LRRTM4: variants seen among roughly 807,000 people sequenced by gnomAD.
LRRTM4 encodes leucine-rich repeat transmembrane neuronal protein 4.
In LRRTM4, 25 loss-of-function variants were observed where a neutral mutation model predicts 47.6. The observed-to-expected ratio is 0.53, with a 90% CI of 0.38 to 0.73. The LOEUF (loss-of-function observed/expected upper bound fraction) is 0.73. LRRTM4 is among the 30% of genes least tolerant of loss of function. The probability of loss-of-function intolerance (pLI) is 0.00; values close to 1 mark genes in which losing one functional copy is unlikely to be tolerated. For missense variants in LRRTM4, 638 were observed against 713.4 expected (o/e 0.89, Z 1.20); for synonymous variants, 311 against 269.5 (o/e 1.15, Z -1.51).
intron 3 of LRRTM4, among the ~76,000 whole-genome samples, chr2:76,898,252 A>G (rs1323703779): frequency 6.6e-6 from 1 of 151,854 alleles, no homozygotes. Flanking sequence ...TTTTCTCTTA[A>G]TATCTTAACA....
intron 3 of LRRTM4, among the ~76,000 whole-genome samples, chr2:77,157,681 T>C (rs963491469): frequency 6.6e-6 from 1 of 152,134 alleles, no homozygotes; most frequent in African/African-American, 2.4e-5. Context: ...TCCTATGGAA[T>C]TTTTATCTAC....
intron 3 of LRRTM4, among the ~76,000 whole-genome samples, chr2:77,398,313 G>T (rs1673784951): frequency 6.6e-6 from 1 of 152,056 alleles, no homozygotes; most frequent in East Asian, 1.9e-4. Flanking sequence ...ACTGAAACCT[G>T]TGGGACCAGA....
chr2:77,002,110 C>T (rs554988469), intron 3 of LRRTM4, among the ~76,000 whole-genome samples: 7 of 152,264 alleles, frequency 4.6e-5, no homozygotes, highest in African/African-American at 1.7e-4. Context: ...TCTTCAATGT[C>T]ACACTCTGTA....
chr2:77,304,807 T>C (rs543868632), intron 3 of LRRTM4, among the ~76,000 whole-genome samples: 24 of 152,262 alleles, frequency 1.6e-4, no homozygotes, highest in African/African-American at 5.8e-4. Context: ...TATAAGTAAA[T>C]TTAGGCTTCA....
intron 3 of LRRTM4, among the ~76,000 whole-genome samples, chr2:77,491,807 T>A (rs1430753276): frequency 6.6e-6 from 1 of 151,962 alleles, no homozygotes; most frequent in East Asian, 1.9e-4. Flanking sequence ...CTCTTTTAAA[T>A]GTGGGAGACA....
At chr2:76,968,554 C>T (rs944946824) in intron 3 of LRRTM4, among the ~76,000 whole-genome samples, 3 of 151,126 alleles carry the variant, frequency 2.0e-5, no homozygotes, top group African/African-American at 4.9e-5. Flanking sequence ...CTAGGCTAGT[C>T]GTTCTCAATA....
At chr2:76,781,626 G>C (rs1037568249) in intron 3 of LRRTM4, among the ~76,000 whole-genome samples, 3 of 152,196 alleles carry the variant, frequency 2.0e-5, no homozygotes, top group Non-Finnish European at 4.4e-5. Flanking sequence ...CGCATGGTGC[G>C]CGCACCCACT....
In LRRTM4 at chr2:77,226,819, C is replaced by G. The variant is rs527953206; in HGVS notation, c.1551+291499G>C. On this transcript the variant is annotated intron_variant, in intron 3 of 3. Transcript: ENST00000409884. ...TCTGAAAATAGATGTTTTGCAGAGG[C>G]ATAGGGGAAAATGTACTGATAGTTG... 3.3e-5 allele frequency among the ~76,000 whole-genome samples: 5 copies of G among 151,832 alleles called. No homozygotes were observed. The South Asian group carries it at 1.0e-3, about 32-fold the overall frequency.
At chr2:76,898,135 TG>T (rs1399424379) in intron 3 of LRRTM4, among the ~76,000 whole-genome samples, 1 of 152,098 alleles carries the variant, frequency 6.6e-6, no homozygotes, top group African/African-American at 2.4e-5. Context: ...GTTATACCCT[TG>T]TTTTTTTCTG....
chr2:77,124,719 A>G (rs1671609798), intron 3 of LRRTM4, among the ~76,000 whole-genome samples: 1 of 152,166 alleles, frequency 6.6e-6, no homozygotes, highest in African/African-American at 2.4e-5. Context: ...TCCTCTAGCC[A>G]TCAGCATGAT....
intron 3 of LRRTM4, among the ~76,000 whole-genome samples, chr2:77,049,122 T>TTTTA (rs1553377413): frequency 3.2e-5 from 2 of 62,682 alleles, no homozygotes; most frequent in East Asian, 4.8e-4. Context: ...ATTTCATTTT[T>TTTTA]TATATATATA....
chr2:76,923,086 AG>A (rs1674482189), intron 3 of LRRTM4, among the ~76,000 whole-genome samples: 1 of 152,160 alleles, frequency 6.6e-6, no homozygotes, highest in Admixed American at 6.6e-5. Flanking sequence ...TGATATATTC[AG>A]AAAAATGTAT....
intron 3 of LRRTM4, among the ~76,000 whole-genome samples, chr2:77,193,865 CAG>C (rs2103884670): frequency 6.6e-6 from 1 of 152,162 alleles, no homozygotes. Context: ...CCGGATCACA[CAG>C]AGAGGCAACA....
chr2:77,108,578 C>CTTTTTTT (rs200805423), intron 3 of LRRTM4, among the ~76,000 whole-genome samples: 6 of 142,946 alleles, frequency 4.2e-5, no homozygotes, highest in South Asian at 2.1e-4. Context: ...CACAAACATT[C>CTTTTTTT]TTTTTTTTTT....
intron 3 of LRRTM4, among the ~76,000 whole-genome samples, chr2:76,778,746 G>A (rs1674177703): frequency 1.3e-5 from 2 of 150,220 alleles, no homozygotes; most frequent in Admixed American, 6.6e-5. Flanking sequence ...AGGGTTTTTT[G>A]TGTCTCTATT....
chr2:77,471,328 C>T (rs933028861), intron 3 of LRRTM4, among the ~76,000 whole-genome samples: 5 of 152,144 alleles, frequency 3.3e-5, no homozygotes, highest in African/African-American at 1.2e-4. Flanking sequence ...AGAATGACTA[C>T]TAACCATCCT....
chr2:77,379,245 T>C (rs776680172), intron 3 of LRRTM4, among the ~76,000 whole-genome samples: 48 of 152,134 alleles, frequency 3.2e-4, no homozygotes, highest in Non-Finnish European at 4.3e-4. Context: ...TCCCCTGTTT[T>C]GGCGATCTAG....
chr2:77,220,891 A>G (rs1236184045), intron 3 of LRRTM4, among the ~76,000 whole-genome samples: 2 of 152,126 alleles, frequency 1.3e-5, no homozygotes, highest in African/African-American at 2.4e-5. Flanking sequence ...CCAACTCCAA[A>G]ACACCTAATT....
intron 3 of LRRTM4, among the ~76,000 whole-genome samples, chr2:77,458,102 C>A (rs1226512077): frequency 3.9e-5 from 6 of 152,124 alleles, no homozygotes; most frequent in African/African-American, 9.7e-5. Context: ...ATAGTTCTTG[C>A]ATATGTCCAA....
Sources: gnomAD v4.1 joint callset for allele counts (sites outside exome capture counted in the v4.1 genomes callset) on GRCh38, gnomAD v4.1.1 for gene constraint, MANE v1.5 for transcripts, NCBI Gene and HGNC (gene_info 2026-07-23, HGNC 2026-07-21) for gene names.